Variants in SUGCT observed in about 807,000 individuals in gnomAD.
SUGCT encodes the protein succinyl-CoA:glutarate CoA-transferase.
SUGCT carries 41 observed loss-of-function variants against 55.0 expected under a neutral mutation model. That is an observed-to-expected ratio of 0.74 (90% confidence interval 0.58 to 0.97). The LOEUF is 0.97. Among genes scored for constraint, SUGCT ranks in the 50% least tolerant of loss-of-function variants. SUGCT has a pLI of 0.00. For missense variants in SUGCT, 568 were observed against 547.8 expected (o/e 1.04, Z -0.37); for synonymous variants, 187 against 200.4 (o/e 0.93, Z 0.56).
At chr7:40,499,397 T>C (rs1792161907) in intron 12 of SUGCT, 1 of 203,566 alleles carries the variant, frequency 4.9e-6, no homozygotes, top group South Asian at 6.9e-5. Context: ...AAACTATTTC[T>C]AGCCTAACAA....
the SUGCT span, among the ~76,000 whole-genome samples, chr7:40,926,157 G>A: frequency 6.6e-6 from 1 of 151,728 alleles, no homozygotes; most frequent in Admixed American, 6.6e-5. Context: ...TACTACTGAT[G>A]CTGAGTAAAT....
chr7:40,659,308 A>G (rs73122202), intron 12 of SUGCT, among the ~76,000 whole-genome samples: 10,193 of 152,178 alleles, frequency 0.067, 394 homozygotes, highest in Middle Eastern at 0.099. Context: ...TGAAGGTTTT[A>G]TTGGGGCTGG....
At chr7:41,021,569 A>G in the SUGCT span, among the ~76,000 whole-genome samples, 1 of 152,198 alleles carries the variant, frequency 6.6e-6, no homozygotes, top group African/African-American at 2.4e-5. Context: ...GGAAATAACA[A>G]GTAATTATTC....
intron 5 of SUGCT, among the ~76,000 whole-genome samples, chr7:40,190,079 G>A (rs1333568609): frequency 1.3e-5 from 2 of 152,124 alleles, no homozygotes; most frequent in African/African-American, 2.4e-5. Flanking sequence ...CCTGATCTGA[G>A]CATCTTTCTT....
intron 11 of SUGCT, among the ~76,000 whole-genome samples, chr7:40,477,706 T>C (rs1033160001): frequency 6.6e-6 from 1 of 152,180 alleles, no homozygotes; most frequent in African/African-American, 2.4e-5. Context: ...TGAAAATTTC[T>C]TTATTTTAAT....
At chr7:40,932,878 CTT>C in the SUGCT span, among the ~76,000 whole-genome samples, 1 of 151,460 alleles carries the variant, frequency 6.6e-6, no homozygotes, top group Non-Finnish European at 1.5e-5. Flanking sequence ...GGTTTTGACT[CTT>C]TATCAAATTT....
At chr7:40,181,081 G>A in intron 2 of SUGCT, 83 bp downstream of exon 2, 1 of 947,208 alleles carries the variant, frequency 1.1e-6, no homozygotes, top group Non-Finnish European at 1.7e-6. Context: ...TATAAGAAGA[G>A]ACTTATATGC....
chr7:40,230,861 T>C lies in SUGCT; in HGVS notation c.485-6774T>C, dbSNP rs188388186. Among the ~76,000 whole-genome samples the C allele has an allele frequency of 3.0e-4, 46 of 152,310 alleles. No individual in the cohort carries two copies. In the East Asian group the frequency reaches 8.9e-3, roughly 29 times the overall value. ...AATCTAAGCTCTGTTACTTCCTATTTGTGTGACCTTGAGTAGGTTAGTTAA... is the reference window on the plus strand; with the variant it reads ...AATCTAAGCTCTGTTACTTCCTATTCGTGTGACCTTGAGTAGGTTAGTTAA... On this transcript the variant is annotated intron_variant, in intron 6 of 13. Transcript: ENST00000335693.
chr7:40,302,425 A>T (rs1050800487), intron 8 of SUGCT, among the ~76,000 whole-genome samples: 1 of 152,166 alleles, frequency 6.6e-6, no homozygotes, highest in Non-Finnish European at 1.5e-5. Flanking sequence ...TGCAATATGA[A>T]AGGTGCCTTC....
At chr7:41,013,002 G>A in the SUGCT span, among the ~76,000 whole-genome samples, 1 of 137,466 alleles carries the variant, frequency 7.3e-6, no homozygotes, top group Non-Finnish European at 1.5e-5. Flanking sequence ...ATCCAAGTGA[G>A]GAAACTCTGA....
intron 12 of SUGCT, among the ~76,000 whole-genome samples, chr7:40,727,485 C>T (rs887561923): frequency 1.3e-5 from 2 of 152,132 alleles, no homozygotes; most frequent in East Asian, 3.9e-4. Flanking sequence ...TATGATATAC[C>T]TTCATTTATT....
the SUGCT span, among the ~76,000 whole-genome samples, chr7:40,895,410 T>A: frequency 1.3e-5 from 2 of 152,094 alleles, no homozygotes; most frequent in East Asian, 3.9e-4. Flanking sequence ...CAAACCCCAA[T>A]GACATGCAAT....
chr7:40,918,136 C>G, the SUGCT span, among the ~76,000 whole-genome samples: 1 of 151,928 alleles, frequency 6.6e-6, no homozygotes, highest in Admixed American at 6.6e-5. Context: ...CTCTTCATCT[C>G]CTCATACCCC....
chr7:40,946,377 T>A, the SUGCT span, among the ~76,000 whole-genome samples: 1 of 152,096 alleles, frequency 6.6e-6, no homozygotes, highest in South Asian at 2.1e-4. Context: ...CACATGTGGA[T>A]ACAAGCTGTG....
At chr7:41,025,410 C>T in the SUGCT span, among the ~76,000 whole-genome samples, 5 of 151,626 alleles carry the variant, frequency 3.3e-5, no homozygotes, top group Non-Finnish European at 7.4e-5. Flanking sequence ...CGCTCTGTCA[C>T]CCAGGCTGAA....
chr7:40,497,942 C>T (rs932504002), intron 12 of SUGCT, among the ~76,000 whole-genome samples: 3 of 152,052 alleles, frequency 2.0e-5, no homozygotes, highest in African/African-American at 7.2e-5. Flanking sequence ...ATCCCACCCA[C>T]TATCTTAAAA....
At chr7:40,835,552 G>A (rs1792920319) in intron 13 of SUGCT, among the ~76,000 whole-genome samples, 1 of 152,136 alleles carries the variant, frequency 6.6e-6, no homozygotes, top group Non-Finnish European at 1.5e-5. Context: ...TCCAGAAACT[G>A]TTTTCTGTAA....
At chr7:40,163,521 C>G (rs2150653076) in intron 1 of SUGCT, among the ~76,000 whole-genome samples, 1 of 151,418 alleles carries the variant, frequency 6.6e-6, no homozygotes, top group Middle Eastern at 3.4e-3. Flanking sequence ...AGGAGAAACA[C>G]TTGAACTGTG....
the SUGCT span, among the ~76,000 whole-genome samples, chr7:40,980,095 A>T: frequency 6.6e-6 from 1 of 152,182 alleles, no homozygotes; most frequent in Non-Finnish European, 1.5e-5. Context: ...TGGCTTGCAG[A>T]TGGCTTGCCA....
Sources: allele counts gnomAD v4.1 joint callset (sites outside exome capture counted in the v4.1 genomes callset), GRCh38; gene constraint gnomAD v4.1.1; transcripts MANE v1.5; gene names NCBI Gene and HGNC (gene_info 2026-07-23, HGNC 2026-07-21).